Variants in UBAC2 observed in about 807,000 individuals in gnomAD.
UBAC2 encodes UBA domain containing 2, also known as ubiquitin-associated domain-containing protein 2.
Under a neutral mutation model 44.0 loss-of-function variants are expected in UBAC2, and 26 were observed. The observed-to-expected ratio is 0.59, with a 90% CI of 0.43 to 0.82. The LOEUF is 0.82. Among genes scored for constraint, UBAC2 ranks in the 40% least tolerant of loss-of-function variants. UBAC2 has a pLI of 0.00. For synonymous variants in UBAC2, 155 were observed against 154.3 expected (o/e 1.00, Z -0.04); for missense variants, 329 against 419.4 (o/e 0.78, Z 1.88).
At chr13:99,347,800 C>T (rs1020768210) in intron 7 of UBAC2, among the ~76,000 whole-genome samples, 9 of 151,234 alleles carry the variant, frequency 6.0e-5, no homozygotes, top group African/African-American at 2.2e-4. Context: ...CTGGACATTT[C>T]CCGCCAGCAC....
At chr13:99,314,032 G>A (rs2044450686) in intron 4 of UBAC2, 65 bp from the exon 5 acceptor site, 1 of 1,477,060 alleles carries the variant, frequency 6.8e-7, no homozygotes, top group East Asian at 2.3e-5. Context: ...TTACTTCAAA[G>A]ATACATCTGC....
Position 99,367,786 on chromosome 13 carries a change from G to A in UBAC2, c.808-1G>A. The A allele has an allele frequency of 6.2e-7, 1 of 1,612,900 alleles. No homozygotes were observed. Among genetic ancestry groups the A allele is most frequent in the African/African-American group, 1.3e-5 (1 of 74,642 alleles). On this transcript the variant is annotated splice_acceptor_variant, in intron 7 of 8. Transcript: ENST00000403766. LOFTEE classifies it high-confidence loss of function. ...ATAACTGTGTGTTGATCTCTTTTTA[G>A]GGAGGAATGATCAATTGGAATCGTC... is the stretch of plus-strand genomic sequence containing the variant.
intron 1 of UBAC2, among the ~76,000 whole-genome samples, chr13:99,226,447 C>A (rs1462715485): frequency 6.6e-6 from 1 of 152,212 alleles, no homozygotes; most frequent in Non-Finnish European, 1.5e-5. Flanking sequence ...GAACATCCTC[C>A]TTTCTTCCCT....
chr13:99,308,304 A>T (rs2044365850), intron 4 of UBAC2, among the ~76,000 whole-genome samples: 1 of 152,114 alleles, frequency 6.6e-6, no homozygotes, highest in Admixed American at 6.5e-5. Flanking sequence ...GTCTTAGGAG[A>T]ACTGATTAAA....
rs557829484 is a variant in UBAC2 at position 99,219,435 on chromosome 13, C to T, written c.31+18496C>T. The stretch of plus-strand genomic sequence containing the variant: ...ATTAACAGCAACCACAATTTAATTG[C>T]AGAACATTTTATCACGCCAGAAAGA... On this transcript the variant is annotated intron_variant, in intron 1 of 8. Transcript: ENST00000403766. Among the ~76,000 whole-genome samples, 5 of 152,274 alleles carry T rather than the reference C, an allele frequency of 3.3e-5. No homozygotes were observed. The South Asian group carries it at 1.0e-3, about 32-fold the overall frequency.
At chr13:99,305,886 CATTTATTT>C (rs10633287) in intron 4 of UBAC2, among the ~76,000 whole-genome samples, 2 of 151,510 alleles carry the variant, frequency 1.3e-5, no homozygotes, top group Non-Finnish European at 1.5e-5. Context: ...GACTCAGGGC[CATTTATTT>C]ATTTATTTAT....
chr13:99,371,519 C>CA (rs2045406727), intron 8 of UBAC2, among the ~76,000 whole-genome samples: 1 of 152,066 alleles, frequency 6.6e-6, no homozygotes, highest in African/African-American at 2.4e-5. Flanking sequence ...AAGATGCTTA[C>CA]AAAAAAGTTT....
At chr13:99,373,208 A>G (rs1029154932) in intron 8 of UBAC2, among the ~76,000 whole-genome samples, 1 of 147,756 alleles carries the variant, frequency 6.8e-6, no homozygotes, top group Admixed American at 6.8e-5. Flanking sequence ...TCTTTATACT[A>G]CTATGACCCA....
In UBAC2 at chr13:99,379,115, A is replaced by G. The variant is rs567742435; in HGVS notation, c.928-6113A>G. ...CCCTAGTTAAACATGCCTTTTTGTT[A>G]GCATAATAATGGTCTGGTAAGAAAT... On this transcript the variant is annotated intron_variant, in intron 8 of 8. Transcript: ENST00000403766. Among the ~76,000 whole-genome samples the G allele has an allele frequency of 7.2e-5, 11 of 152,358 alleles. No individual in the cohort carries two copies. The East Asian group carries it at 2.1e-3, about 29-fold the overall frequency.
intron 4 of UBAC2, among the ~76,000 whole-genome samples, chr13:99,280,598 ACT>A (rs751414315): frequency 1.4e-4 from 22 of 151,920 alleles, no homozygotes; most frequent in Non-Finnish European, 2.6e-4. Flanking sequence ...CTAATTGACC[ACT>A]CTCTCAACTG....
chr13:99,352,745 C>A (rs576388100), intron 7 of UBAC2, among the ~76,000 whole-genome samples: 5 of 152,228 alleles, frequency 3.3e-5, no homozygotes, highest in Non-Finnish European at 7.3e-5. Flanking sequence ...TCCCTCCTCT[C>A]CCTGAGCTTA....
chr13:99,251,507 C>CT (rs2043457799), intron 4 of UBAC2, among the ~76,000 whole-genome samples: 1 of 152,166 alleles, frequency 6.6e-6, no homozygotes, highest in African/African-American at 2.4e-5. Flanking sequence ...TTCTTGTCTA[C>CT]TTTTTTACAG....
At chr13:99,246,927 AC>A (rs2043390671) in intron 4 of UBAC2, among the ~76,000 whole-genome samples, 1 of 152,252 alleles carries the variant, frequency 6.6e-6, no homozygotes, top group Non-Finnish European at 1.5e-5. Context: ...GCTTTCTCAA[AC>A]ATAGACTTTT....
At chr13:99,308,188 G>A (rs1451113909) in intron 4 of UBAC2, among the ~76,000 whole-genome samples, 3 of 152,210 alleles carry the variant, frequency 2.0e-5, no homozygotes, top group Non-Finnish European at 4.4e-5. Context: ...GAGAGGTGAT[G>A]TTTACACTTA....
intron 1 of UBAC2, among the ~76,000 whole-genome samples, chr13:99,214,750 G>A (rs1308544739): frequency 6.6e-6 from 1 of 151,922 alleles, no homozygotes; most frequent in Non-Finnish European, 1.5e-5. Context: ...CACCCTTTTT[G>A]GAGAGTTTCT....
At chr13:99,328,247 C>T (rs1025781463) in intron 6 of UBAC2, among the ~76,000 whole-genome samples, 3 of 152,094 alleles carry the variant, frequency 2.0e-5, no homozygotes, top group African/African-American at 7.2e-5. Context: ...CTTTGTTTAT[C>T]CATTCACCAA....
intron 6 of UBAC2, among the ~76,000 whole-genome samples, chr13:99,322,017 C>G (rs958082270): frequency 1.3e-5 from 2 of 152,146 alleles, no homozygotes; most frequent in African/African-American, 4.8e-5. Context: ...TTTGACAGTT[C>G]TGATTTTTAA....
At chr13:99,352,878 C>T (rs1001296186) in intron 7 of UBAC2, among the ~76,000 whole-genome samples, 7 of 152,178 alleles carry the variant, frequency 4.6e-5, no homozygotes, top group Non-Finnish European at 1.0e-4. Context: ...TCTCTACCTC[C>T]GTCTCCACCC....
At chr13:99,257,456 A>G (rs1196708276) in intron 4 of UBAC2, among the ~76,000 whole-genome samples, 1 of 152,188 alleles carries the variant, frequency 6.6e-6, no homozygotes, top group Non-Finnish European at 1.5e-5. Flanking sequence ...TAAGTCCTGT[A>G]CTTACAAACC....
Sources: gnomAD v4.1 joint callset for allele counts (sites outside exome capture counted in the v4.1 genomes callset) on GRCh38, gnomAD v4.1.1 for gene constraint, MANE v1.5 for transcripts, NCBI Gene and HGNC (gene_info 2026-07-23, HGNC 2026-07-21) for gene names.